The following DNAH8 variants were observed in gnomAD, a reference collection of about 807,000 sequenced individuals.
The protein encoded by DNAH8 is dynein axonemal heavy chain 8.
Under a neutral mutation model 562.1 loss-of-function variants are expected in DNAH8, and 382 were observed. The observed-to-expected ratio is 0.68, with a 90% CI of 0.63 to 0.74. DNAH8 has a LOEUF of 0.74. DNAH8 is among the 30% of genes least tolerant of loss of function. DNAH8 has a pLI of 0.00. For missense variants in DNAH8, 5,203 were observed against 5,620.4 expected, an observed-to-expected ratio of 0.93 and a Z score of 2.37; for synonymous variants, 1,881 against 1,919.4, an observed-to-expected ratio of 0.98 and a Z score of 0.52.
chr6:38,937,022 TA>T (rs921085505), intron 77 of DNAH8, among the ~76,000 whole-genome samples: 37 of 150,298 alleles, frequency 2.5e-4, no homozygotes, highest in South Asian at 1.1e-3. Flanking sequence ...AAAACAATAA[TA>T]AAAAAAAAGG....
intron 82 of DNAH8, among the ~76,000 whole-genome samples, chr6:38,956,974 G>A (rs1762285535): frequency 1.3e-5 from 2 of 152,114 alleles, no homozygotes; most frequent in African/African-American, 4.8e-5. Flanking sequence ...TAAAATCTAC[G>A]ATTAAGAGAC....
At chr6:39,013,823 C>T (rs1018811632) in intron 91 of DNAH8, among the ~76,000 whole-genome samples, 1 of 151,492 alleles carries the variant, frequency 6.6e-6, no homozygotes, top group Non-Finnish European at 1.5e-5. Flanking sequence ...TGCACTTCAA[C>T]CTAGGCAACA....
At chr6:38,735,698 T>C (rs1308493205) in intron 5 of DNAH8, among the ~76,000 whole-genome samples, 1 of 152,218 alleles carries the variant, frequency 6.6e-6, no homozygotes, top group East Asian at 1.9e-4. Context: ...AAAAAGTCCT[T>C]TTATGAAATA....
At chr6:38,945,696 A>G (rs1761350439) in intron 80 of DNAH8, 108 bp downstream of exon 80, 9 of 1,462,084 alleles carry the variant, frequency 6.2e-6, no homozygotes, top group Non-Finnish European at 8.4e-6. Flanking sequence ...AAAAAAGTCA[A>G]CCCAATAGTT....
rs968299201 is a variant in DNAH8 at position 38,974,446 on chromosome 6, A to C, written c.12751A>C (p.Asn4251His). The C allele has an allele frequency of 1.1e-5, 17 of 1,613,834 alleles. No individual in the cohort carries two copies. The highest frequency in any genetic ancestry group is 1.6e-4 in the Middle Eastern group (1 of 6,062). ...AGLKRTFAGI[N>H]QDLLDISNLP... ...TTTGAAAAGAACATTTGCTGGAATT[A>C]ATCAAGACCTTCTGGACATCAGTAA... Residue 4251 changes from asparagine (N) to histidine (H), a missense_variant, in exon 85 of 93, where the codon AAT becomes CAT. Coordinates refer to ENST00000327475, the MANE Select transcript of DNAH8 (RefSeq NM_001206927.2).
chr6:38,985,794 C>G (rs1034864414), intron 87 of DNAH8, among the ~76,000 whole-genome samples: 2 of 152,170 alleles, frequency 1.3e-5, no homozygotes, highest in Admixed American at 6.5e-5. Flanking sequence ...ATTCAAGTGC[C>G]TCCTCCCCAG....
intron 70 of DNAH8, among the ~76,000 whole-genome samples, chr6:38,919,836 C>A (rs2150551642): frequency 6.6e-6 from 1 of 152,116 alleles, no homozygotes; most frequent in South Asian, 2.1e-4. Context: ...TTACATACAT[C>A]AAAGAAACTA....
At chr6:38,952,176 T>C (rs184555528) in intron 82 of DNAH8, among the ~76,000 whole-genome samples, 144 of 152,154 alleles carry the variant, frequency 9.5e-4, no homozygotes, top group Non-Finnish European at 1.1e-3. Context: ...AATTAAAAAA[T>C]AGATAAAATT....
At chr6:38,796,173 TG>T (rs993623439) in intron 21 of DNAH8, among the ~76,000 whole-genome samples, 1 of 152,186 alleles carries the variant, frequency 6.6e-6, no homozygotes, top group Non-Finnish European at 1.5e-5. Context: ...CTCTTCACTC[TG>T]CCAACAGCAC....
chr6:38,723,627 C>T (rs2127565783), intron 3 of DNAH8, among the ~76,000 whole-genome samples, 156 bp downstream of exon 3: 1 of 152,236 alleles, frequency 6.6e-6, no homozygotes, highest in African/African-American at 2.4e-5. Context: ...GTAATCCCAG[C>T]ACTTTGGGAG....
At chr6:38,831,931 A>C (rs1022350933) in intron 30 of DNAH8, among the ~76,000 whole-genome samples, 3 of 152,072 alleles carry the variant, frequency 2.0e-5, no homozygotes, top group African/African-American at 7.2e-5. Flanking sequence ...ACCTAGAGTA[A>C]TATCACTTTC....
Position 38,906,307 on chromosome 6 carries a change from C to T in DNAH8, c.9248C>T (p.Ala3083Val). The T allele has an allele frequency of 6.2e-7, 1 of 1,608,688 alleles. No homozygotes were observed. The highest frequency in any genetic ancestry group is 8.5e-7 in the Non-Finnish European group (1 of 1,176,264). Residue 3083 changes from alanine (A) to valine (V), a missense_variant, in exon 63 of 93, where the codon GCT (alanine) becomes GTT (valine). Transcript: ENST00000327475. The part of the protein sequence containing the change: ...TDDLKALYKV[A>V]GADGKGITFI... Reference sequence around the variant, plus strand: ...GATTTAAAAGCTTTGTACAAAGTTGCTGGTGCTGATGGAAAAGGCATCACT... The same window carrying T: ...GATTTAAAAGCTTTGTACAAAGTTGTTGGTGCTGATGGAAAAGGCATCACT...
chr6:38,973,574 GT>G, intron 83 of DNAH8, 86 bp from the exon 84 acceptor site: 3 of 1,092,242 alleles, frequency 2.7e-6, no homozygotes, highest in Non-Finnish European at 3.9e-6. Flanking sequence ...TATTCACATG[GT>G]TTTTAAAAAA....
chr6:39,012,439 C>A lies in DNAH8; in HGVS notation c.13525-9C>A, dbSNP rs1029353186. The A allele has an allele frequency of 6.2e-7, 1 of 1,610,364 alleles. No individual in the cohort carries two copies. The highest frequency in any genetic ancestry group is 1.3e-5 in the African/African-American group (1 of 74,780). On this transcript the variant is annotated splice_polypyrimidine_tract_variant and intron_variant, in intron 90 of 92. Transcript: ENST00000327475. ...TCTTATTCATGTGTTTTAACTTTTTCTTCTCCAGAATCTGAGAGATGCTCT... is the reference window on the plus strand; with the variant it reads ...TCTTATTCATGTGTTTTAACTTTTTATTCTCCAGAATCTGAGAGATGCTCT...
intron 60 of DNAH8, among the ~76,000 whole-genome samples, chr6:38,897,684 G>C (rs1779794894): frequency 6.6e-6 from 1 of 152,132 alleles, no homozygotes; most frequent in South Asian, 2.1e-4. Context: ...GGGGAGTTGA[G>C]GTAGGAGGAG....
In DNAH8 at chr6:38,848,709, G is replaced by T. The variant is rs1432490548; in HGVS notation, c.5107G>T (p.Asp1703Tyr). ...NWVYKLSTSS[D>Y]IIEEWLVVQN... The stretch of plus-strand genomic sequence containing the variant: ...GGTGTATAAATTGTCCACTTCCTCA[G>T]ATATAATTGAAGAGTGGCTCGTAGT... Residue 1703 changes from aspartate to tyrosine, a missense_variant, in exon 37 of 93, where the codon GAT becomes TAT. By Grantham distance (160) the Asp-to-Tyr change is radical. This residue lies in a region of DNAH8 where 2,176 missense variants were observed against 2,365.1 expected (regional missense o/e 0.92). Transcript: ENST00000327475. The T allele has an allele frequency of 6.2e-7, 1 of 1,612,038 alleles. No homozygotes were observed. Among genetic ancestry groups the T allele is most frequent in the Non-Finnish European group, 8.5e-7 (1 of 1,178,444 alleles).
intron 20 of DNAH8, 22 bp from the exon 21 acceptor site, chr6:38,791,533 C>A (rs773193447): frequency 6.3e-7 from 1 of 1,584,638 alleles, no homozygotes; most frequent in Non-Finnish European, 8.5e-7. Flanking sequence ...GTTTTTTTTT[C>A]TTACATTTTT....
chr6:38,865,421 A>G (rs577998791), intron 45 of DNAH8, among the ~76,000 whole-genome samples: 1 of 152,220 alleles, frequency 6.6e-6, no homozygotes, highest in African/African-American at 2.4e-5. Context: ...TGGATTAAGA[A>G]TAATATTGGA....
Position 38,886,990 on chromosome 6 carries a change from T to C in DNAH8, c.8459T>C (p.Ile2820Thr), listed in dbSNP as rs553604610. 2.5e-6 allele frequency: 4 copies of C among 1,608,406 alleles called. No homozygotes were observed. Among genetic ancestry groups the C allele is most frequent in the African/African-American group, 2.7e-5 (2 of 74,930 alleles). Residue 2820 changes from isoleucine to threonine, a missense_variant, in exon 57 of 93, where the codon ATA becomes ACA. By Grantham distance (89) the Ile-to-Thr change is moderately conservative. Coordinates refer to ENST00000327475, the MANE Select transcript of DNAH8 (RefSeq NM_001206927.2). ...FNCTLPSNAS[I>T]DKIFGIIGCG... ...TGTACATTGCCTTCAAATGCTTCAA[T>C]AGACAAAATTTTTGGTATGAATATT...
Sources: allele counts gnomAD v4.1 joint callset (sites outside exome capture counted in the v4.1 genomes callset), GRCh38; gene constraint gnomAD v4.1.1; regional missense constraint gnomAD v4.1.1; transcripts MANE v1.5; gene names NCBI Gene and HGNC (gene_info 2026-07-23, HGNC 2026-07-21).